DEF8: variants seen among roughly 807,000 people sequenced by gnomAD.
The protein encoded by DEF8 is differentially expressed in FDCP 8 homolog, also known as DEF-8.
DEF8 carries 38 observed loss-of-function variants against 59.1 expected under a neutral mutation model. That is an observed-to-expected ratio of 0.64 (90% confidence interval 0.50 to 0.84). The LOEUF is 0.84. DEF8 is among the 40% of genes least tolerant of loss of function. DEF8 has a pLI of 0.00. For synonymous variants in DEF8, 265 were observed against 250.1 expected, an observed-to-expected ratio of 1.06 and a Z score of -0.56; for missense variants, 557 against 615.2, an observed-to-expected ratio of 0.91 and a Z score of 1.00.
chr16:89,963,947 T>C (rs13330431), intron 10 of DEF8: 227,813 of 639,236 alleles, frequency 0.36, 43,832 homozygotes, highest in African/African-American at 0.61. Flanking sequence ...GGGGCTGCCT[T>C]AGGGAGTGGA....
Position 89,949,509 on chromosome 16 carries a change from T to TGCAG in DEF8, c.-13_-11+1dup. 1 of 1,613,164 alleles carries TGCAG rather than the reference T, an allele frequency of 6.2e-7. No homozygotes were observed. Among genetic ancestry groups the TGCAG allele is most frequent in the Non-Finnish European group, 8.5e-7 (1 of 1,179,888 alleles). ...CGAGCCCCTGGGCCCTGGCAGGCGA[T>TGCAG]GCAGGTATGGGCAGACAGGACGCTG... On this transcript the variant is annotated 5_prime_UTR_variant, in exon 2 of 13. Transcript: ENST00000563594.
chr16:89,962,767 T>C (rs2034198060), intron 9 of DEF8, among the ~76,000 whole-genome samples: 1 of 152,260 alleles, frequency 6.6e-6, no homozygotes, highest in Admixed American at 6.5e-5. Flanking sequence ...TTTTGAGATA[T>C]TTGCTTTCTT....
At position 89,948,774 on chromosome 16, in the gene DEF8, G is replaced by C; in HGVS notation, c.-148G>C. ...TCCAGCGTAGCGGGGCGGCCGGGCG[G>C]ATCCAGCGCAGCCGGGAGACAGATG... On this transcript the variant is annotated 5_prime_UTR_variant, in exon 1 of 13. Transcript: ENST00000563594. 2.0e-6 allele frequency: 2 copies of C among 984,724 alleles called. No homozygotes were observed. Among genetic ancestry groups the C allele is most frequent in the Non-Finnish European group, 2.4e-6 (2 of 829,620 alleles). 61.0% of individuals were successfully genotyped at this position (984,724 alleles called of 1,614,324 possible). A position where few individuals can be genotyped will look rare whatever the true frequency, so the allele number is the denominator to read the frequency against.
chr16:89,951,721 C>A (rs1316189036), intron 2 of DEF8, among the ~76,000 whole-genome samples: 2 of 152,202 alleles, frequency 1.3e-5, no homozygotes, highest in African/African-American at 2.4e-5. Context: ...GCAGCCTTTA[C>A]ATCTGCATTC....
rs149078131 is a variant in DEF8, at chr16:89,960,792, C to T, written c.515-139C>T. 7,328 of 880,176 alleles carry T rather than the reference C, an allele frequency of 8.3e-3. 122 individuals are homozygous for T. Among genetic ancestry groups the T allele is most frequent in the South Asian group, 0.049 (2,985 of 60,404 alleles). 54.5% of individuals were successfully genotyped at this position (880,176 alleles called of 1,614,324 possible). ...AAAAGGATCTTTGAGGTTCTAAGGC[C>T]TCCCTTGGTGCCAGGAGGTCTTAGA... On this transcript the variant is annotated intron_variant, in intron 6 of 12. Transcript: ENST00000563594.
In DEF8 at chr16:89,954,369, TC is replaced by T; in HGVS notation, c.119del (p.Pro40LeufsTer21). ...GPGEEVPDVT[P>X]EEALPELPPG... ...CTGGGGAGGAGGTCCCGGACGTCACTCCTGAAGGTGGGTGCTGGTGGGAGTC... is the reference window on the plus strand; with the variant it reads ...CTGGGGAGGAGGTCCCGGACGTCACTCTGAAGGTGGGTGCTGGTGGGAGTC... On this transcript the variant is annotated frameshift_variant, in exon 3 of 13. Transcript: ENST00000563594. LOFTEE classifies it high-confidence loss of function. This position sits in a 1 kb window ranked among gnomAD's most constrained non-coding sequence, Gnocchi z 4.3. The T allele has an allele frequency of 1.9e-6, 3 of 1,613,308 alleles. No individual in the cohort carries two copies. The highest frequency in any genetic ancestry group is 2.5e-6 in the Non-Finnish European group (3 of 1,179,686).
intron 3 of DEF8, 69 bp from the exon 4 acceptor site, chr16:89,955,100 C>A: frequency 1.6e-6 from 2 of 1,252,836 alleles, no homozygotes; most frequent in Non-Finnish European, 2.3e-6. Context: ...GCTATCTCAG[C>A]TCCTCCCTAG....
chr16:89,964,146 G>A (rs1248247251), intron 10 of DEF8, 24 bp from the exon 11 acceptor site: 15 of 1,613,824 alleles, frequency 9.3e-6, no homozygotes, highest in Admixed American at 5.0e-5. Flanking sequence ...GGTGCAGGGC[G>A]TCACGGCTGC....
At chr16:89,963,795 T>C (rs1199714292) in intron 10 of DEF8, 2 of 488,040 alleles carry the variant, frequency 4.1e-6, no homozygotes, top group Non-Finnish European at 7.6e-6. Flanking sequence ...CAGACAGGAA[T>C]GCTTGCCCTT....
In DEF8 at chr16:89,954,208, C is replaced by T. The variant is rs537141172; in HGVS notation, c.-10-35C>T. 6.2e-7 allele frequency: 1 copy of T among 1,604,294 alleles called. No individual in the cohort carries two copies. The highest frequency in any genetic ancestry group is 1.1e-5 in the South Asian group (1 of 89,734). ...GGGGTGGTCCGTGGTGAGCCTGGTA[C>T]CTGGGGACTCATCCTGGCCCTGCCT... is the stretch of plus-strand genomic sequence containing the variant. On this transcript the variant is annotated intron_variant, in intron 2 of 12. Transcript: ENST00000563594. The surrounding 1 kb of genome is among the most constrained non-coding windows in gnomAD (Gnocchi z 4.3).
chr16:89,962,213 C>T, intron 9 of DEF8, 88 bp downstream of exon 9: 1 of 1,216,450 alleles, frequency 8.2e-7, no homozygotes, highest in African/African-American at 1.5e-5. Context: ...TCCTCTGGGC[C>T]ACGGGAGGTT....
At chr16:89,959,325 G>C (rs1202193459) in intron 6 of DEF8, 170 bp downstream of exon 6, 4 of 1,465,274 alleles carry the variant, frequency 2.7e-6, no homozygotes, top group East Asian at 2.5e-5. Context: ...GTCTACATTG[G>C]ACAGGGCTGT....
Position 89,961,731 on chromosome 16 carries a change from C to T in DEF8, c.680-6C>T, listed in dbSNP as rs766615667. 12 of 1,613,130 alleles carry T rather than the reference C, an allele frequency of 7.4e-6. No homozygotes were observed. Among genetic ancestry groups the T allele is most frequent in the Non-Finnish European group, 1.0e-5 (12 of 1,179,992 alleles). On this transcript the variant is annotated splice_polypyrimidine_tract_variant and splice_region_variant and intron_variant, in intron 7 of 12. Coordinates refer to ENST00000563594, the MANE Select transcript of DEF8 (RefSeq NM_001242818.2). ...AGGGACACTCAGGGCCCCTCTGACC[C>T]TGCAGGGGGTGTGCCCAGTGAGGCC...
chr16:89,949,936 G>A, intron 2 of DEF8: 1 of 842,168 alleles, frequency 1.2e-6, no homozygotes, highest in Non-Finnish European at 1.6e-6. Context: ...GGCATCCCCA[G>A]GTCTGTGTGA....
At chr16:89,963,255 G>T in intron 9 of DEF8, 108 bp from the exon 10 acceptor site, 1 of 865,374 alleles carries the variant, frequency 1.2e-6, no homozygotes. Context: ...GGCCCTTCGT[G>T]GGGAACCAAC....
rs2034574521 is a variant in DEF8, at chr16:89,965,930, C to T, written c.1323C>T (p.Leu441=). 2 of 1,613,594 alleles carry T rather than the reference C, an allele frequency of 1.2e-6. No individual in the cohort carries two copies. The highest frequency in any genetic ancestry group is 1.7e-6 in the Non-Finnish European group (2 of 1,179,742). ...CARLSLRKQS[L]FQEPGPDVEA Reference sequence around the variant, plus strand: ...GGCTCAGCCTGAGGAAGCAGTCGCTCTTCCAGGAGCCAGGTCCCGATGTGG... The same window carrying T: ...GGCTCAGCCTGAGGAAGCAGTCGCTTTTCCAGGAGCCAGGTCCCGATGTGG... The change falls in exon 13 of 13, where the codon CTC becomes CTT. Residue 441 remains leucine (L), a synonymous_variant. Coordinates refer to ENST00000563594, the MANE Select transcript of DEF8 (RefSeq NM_001242818.2).
chr16:89,960,546 G>C (rs1052651877), intron 6 of DEF8, among the ~76,000 whole-genome samples: 7 of 150,968 alleles, frequency 4.6e-5, no homozygotes, highest in Non-Finnish European at 7.4e-5. Flanking sequence ...AAAACAGAGA[G>C]AGAGAAACCC....
At position 89,966,517 on chromosome 16, in the gene DEF8, C is replaced by T. The variant is rs1395195600; in HGVS notation, c.*554C>T. The T allele has an allele frequency of 6.5e-6, 1 of 154,376 alleles. No individual in the cohort carries two copies. The highest frequency in any genetic ancestry group is 2.4e-5 in the African/African-American group (1 of 41,490). 9.6% of individuals were successfully genotyped at this position (154,376 alleles called of 1,614,324 possible). On this transcript the variant is annotated 3_prime_UTR_variant, in exon 13 of 13. Transcript: ENST00000563594. ...CGTGGCCTTGGGGATTTCTGGTTGT[C>T]CCCAGCTGGGACTGTTCACAGTTGT... is the stretch of plus-strand genomic sequence containing the variant.
chr16:89,949,342 G>T, intron 1 of DEF8, 75 bp from the exon 2 acceptor site: 1 of 1,247,996 alleles, frequency 8.0e-7, no homozygotes, highest in East Asian at 2.4e-5. Flanking sequence ...CCCCCGAGGA[G>T]CCCGGGAGAC....
Sources: allele counts gnomAD v4.1 joint callset (sites outside exome capture counted in the v4.1 genomes callset), GRCh38; gene constraint gnomAD v4.1.1; non-coding constraint Gnocchi (gnomAD v3.1); transcripts MANE v1.5; gene names NCBI Gene and HGNC (gene_info 2026-07-23, HGNC 2026-07-21).